PCDHA2: variants seen among roughly 807,000 people sequenced by gnomAD.
PCDHA2 encodes the protein protocadherin alpha-2.
Under a neutral mutation model 66.0 loss-of-function variants are expected in PCDHA2, and 58 were observed. The observed-to-expected ratio is 0.88, with a 90% CI of 0.71 to 1.09. The LOEUF (loss-of-function observed/expected upper bound fraction) is 1.09. PCDHA2 is among the 50% of genes least tolerant of loss of function. The pLI, the probability that PCDHA2 is intolerant of heterozygous loss-of-function variation, is 0.00. For synonymous variants in PCDHA2, 634 were observed against 554.0 expected, an observed-to-expected ratio of 1.14 and a Z score of -2.03; for missense variants, 1,267 against 1,242.3, an observed-to-expected ratio of 1.02 and a Z score of -0.30.
intron 1 of PCDHA2, among the ~76,000 whole-genome samples, chr5:140,898,053 A>C (rs1444652933): frequency 1.3e-5 from 2 of 151,746 alleles, no homozygotes; most frequent in Admixed American, 1.3e-4. Context: ...TTTTTCTTGT[A>C]AATTTGTTTG....
At chr5:140,968,150 A>G (rs1554230413) in intron 1 of PCDHA2, 2 of 1,614,180 alleles carry the variant, frequency 1.2e-6, no homozygotes, top group Admixed American at 1.7e-5. Flanking sequence ...GATCTCTGAC[A>G]TCAATGACAA....
intron 1 of PCDHA2, chr5:140,870,178 C>T (rs2051730547): frequency 2.5e-6 from 4 of 1,614,094 alleles, no homozygotes; most frequent in East Asian, 2.2e-5. Context: ...CCTCCCAGTA[C>T]GAGAGGACGC....
chr5:140,854,269 G>C, intron 1 of PCDHA2: 2 of 577,018 alleles, frequency 3.5e-6, no homozygotes, highest in Non-Finnish European at 4.4e-6. Flanking sequence ...TACATTAGTA[G>C]AAATTGAGTT....
intron 1 of PCDHA2, among the ~76,000 whole-genome samples, chr5:140,971,016 A>G (rs1554232958): frequency 6.6e-6 from 1 of 152,208 alleles, no homozygotes; most frequent in African/African-American, 2.4e-5. Flanking sequence ...AAGTCTTTAG[A>G]TCGTAGCATT....
chr5:140,962,516 A>C (rs1554226093), intron 1 of PCDHA2, among the ~76,000 whole-genome samples: 1 of 152,208 alleles, frequency 6.6e-6, no homozygotes, highest in Non-Finnish European at 1.5e-5. Flanking sequence ...ACTATCAATA[A>C]TATATTAGTT....
intron 1 of PCDHA2, chr5:140,861,171 A>G (rs2046785081): frequency 6.3e-6 from 1 of 158,188 alleles, no homozygotes; most frequent in Non-Finnish European, 1.4e-5. Flanking sequence ...TCTCAGAGGA[A>G]CTAAGTCTTT....
At position 141,010,718 on chromosome 5, in the gene PCDHA2, T is replaced by C. The variant is rs2154002137; in HGVS notation, c.*781T>C. Reference sequence around the variant, plus strand: ...TTTCCTATACATGTCCTGTGCTCACTTTATTAAAAATTCTTTTGCACACAA... The same window carrying C: ...TTTCCTATACATGTCCTGTGCTCACCTTATTAAAAATTCTTTTGCACACAA... On this transcript the variant is annotated 3_prime_UTR_variant, in exon 4 of 4. Coordinates refer to ENST00000526136, the MANE Select transcript of PCDHA2 (RefSeq NM_018905.3). The C allele has an allele frequency of 6.5e-6, 1 of 154,542 alleles. No homozygotes were observed. The highest frequency in any genetic ancestry group is 1.9e-4 in the East Asian group (1 of 5,208). 9.6% of individuals were successfully genotyped at this position (154,542 alleles called of 1,614,324 possible). A position where few individuals can be genotyped will look rare whatever the true frequency, so the allele number is the denominator to read the frequency against.
chr5:140,841,992 G>A (rs2150327070), intron 1 of PCDHA2: 8 of 1,613,646 alleles, frequency 5.0e-6, no homozygotes, highest in South Asian at 4.4e-5. Context: ...GAGCTCACAG[G>A]CACTGTTCAG....
chr5:140,985,421 G>T (rs1554247049), intron 3 of PCDHA2, among the ~76,000 whole-genome samples: 1 of 152,110 alleles, frequency 6.6e-6, no homozygotes, highest in African/African-American at 2.4e-5. Context: ...GGAGTGAGGA[G>T]GATTTATTAG....
intron 1 of PCDHA2, chr5:140,883,477 C>CTACT: frequency 6.2e-7 from 1 of 1,614,172 alleles, no homozygotes; most frequent in Middle Eastern, 1.7e-4. Context: ...CCTACAAGAA[C>CTACT]TACTACTCAT....
chr5:140,900,780 C>T (rs1554189418), intron 1 of PCDHA2, among the ~76,000 whole-genome samples: 1 of 152,192 alleles, frequency 6.6e-6, no homozygotes, highest in Admixed American at 6.5e-5. Flanking sequence ...TTTGAGGAAA[C>T]TCCAAACTGT....
chr5:140,908,268 A>G (rs1401852970), intron 1 of PCDHA2, among the ~76,000 whole-genome samples: 4 of 152,284 alleles, frequency 2.6e-5, no homozygotes, highest in African/African-American at 9.6e-5. Context: ...GGAACTCCCC[A>G]TGAGGCCATT....
chr5:141,008,040 T>C (rs1408807855), intron 3 of PCDHA2, among the ~76,000 whole-genome samples: 1 of 152,200 alleles, frequency 6.6e-6, no homozygotes, highest in Admixed American at 6.5e-5. Context: ...ATCTGCCTTT[T>C]GTAACAGGGG....
chr5:140,916,721 T>G (rs2077698319), intron 1 of PCDHA2, among the ~76,000 whole-genome samples: 1 of 152,186 alleles, frequency 6.6e-6, no homozygotes, highest in Non-Finnish European at 1.5e-5. Context: ...AAGGAGTGAC[T>G]TTTGTTGCTG....
At position 140,796,518 on chromosome 5, in the gene PCDHA2, C is replaced by G. The variant is rs1169490682; in HGVS notation, c.1554C>G (p.Tyr518Ter). Residue 518 changes from tyrosine (Y) to a stop codon, truncating the protein, a stop_gained, in exon 1 of 4, where the codon TAC (tyrosine) becomes TAG (stop). Coordinates refer to ENST00000526136, the MANE Select transcript of PCDHA2 (RefSeq NM_018905.3). LOFTEE classifies it high-confidence loss of function. ...TGCACGCGGAGAGCGGCAAGGTGTA[C>G]GCGCTGCAGCCGCTGGACCACGAGG... ...VSVHAESGKV[Y>*]ALQPLDHEEV... The G allele has an allele frequency of 1.9e-5, 31 of 1,612,312 alleles. No homozygotes were observed. Among genetic ancestry groups the G allele is most frequent in the Non-Finnish European group, 2.5e-5 (29 of 1,179,836 alleles).
chr5:140,850,365 G>A (rs2150481125), intron 1 of PCDHA2: 1 of 1,597,962 alleles, frequency 6.3e-7, no homozygotes, highest in South Asian at 1.1e-5. Context: ...CCCGTTCCGC[G>A]TGGGGCTGTA....
intron 1 of PCDHA2, chr5:140,883,325 A>C: frequency 6.2e-7 from 1 of 1,614,118 alleles, no homozygotes; most frequent in Non-Finnish European, 8.5e-7. Context: ...GGTTACCATC[A>C]CTTCTTTGTC....
chr5:140,992,789 T>G (rs2097528439), intron 3 of PCDHA2, among the ~76,000 whole-genome samples: 1 of 152,148 alleles, frequency 6.6e-6, no homozygotes, highest in Admixed American at 6.5e-5. Flanking sequence ...AGGGTCAATT[T>G]TATGGATCCA....
rs1554149682 is a variant in PCDHA2, at chr5:140,857,224, T to C, written c.2388+59872T>C. ...TCACCTGCTCTCTGACGCCTCACGT[T>C]CCGTTCAAGCTGGTGTCCACCTACA... On this transcript the variant is annotated intron_variant, in intron 1 of 3. Transcript: ENST00000526136. 4 of 1,598,426 alleles carry C rather than the reference T, an allele frequency of 2.5e-6. 1 individual carries two copies. Among genetic ancestry groups the C allele is most frequent in the Non-Finnish European group, 3.4e-6 (4 of 1,167,908 alleles).
Sources: allele counts gnomAD v4.1 joint callset (sites outside exome capture counted in the v4.1 genomes callset), GRCh38; gene constraint gnomAD v4.1.1; transcripts MANE v1.5; gene names NCBI Gene and HGNC (gene_info 2026-07-23, HGNC 2026-07-21).